The following CNTNAP5 variants were observed in gnomAD, a reference collection of about 807,000 sequenced individuals.
The protein encoded by CNTNAP5 is contactin-associated protein-like 5.
CNTNAP5 carries 72 observed loss-of-function variants against 150.2 expected under a neutral mutation model. The ratio of observed to expected loss-of-function variants is 0.48; its 90% CI spans 0.40 to 0.58. The LOEUF (loss-of-function observed/expected upper bound fraction) is 0.58. Ranked by LOEUF, CNTNAP5 falls within the 20% of genes least tolerant of loss-of-function variation. CNTNAP5 has a pLI of 0.00. For synonymous variants in CNTNAP5, 672 were observed against 619.8 expected, an observed-to-expected ratio of 1.08 and a Z score of -1.25; for missense variants, 1,636 against 1,626.2, an observed-to-expected ratio of 1.01 and a Z score of -0.10.
chr2:124,158,620 G>A (rs1486700962), intron 1 of CNTNAP5, among the ~76,000 whole-genome samples: 1 of 152,146 alleles, frequency 6.6e-6, no homozygotes, highest in Non-Finnish European at 1.5e-5. Flanking sequence ...TTTACTTTTT[G>A]TGCCAGACAG....
At chr2:124,150,321 C>T (rs950542624) in intron 1 of CNTNAP5, among the ~76,000 whole-genome samples, 1 of 152,154 alleles carries the variant, frequency 6.6e-6, no homozygotes. Flanking sequence ...CTCTGTTTAT[C>T]GATTTTGTGC....
chr2:124,213,748 G>T (rs562612425), intron 1 of CNTNAP5, among the ~76,000 whole-genome samples: 3 of 151,928 alleles, frequency 2.0e-5, no homozygotes, highest in East Asian at 3.9e-4. Context: ...TCTAACCTGA[G>T]AATCAAAACA....
intron 19 of CNTNAP5, among the ~76,000 whole-genome samples, chr2:124,854,229 A>C (rs1350858630): frequency 3.3e-5 from 5 of 152,104 alleles, no homozygotes; most frequent in Non-Finnish European, 7.4e-5. Context: ...TTATACGTCC[A>C]TTCCTCTATC....
At chr2:124,532,909 C>T (rs1695143330) in intron 10 of CNTNAP5, among the ~76,000 whole-genome samples, 1 of 152,242 alleles carries the variant, frequency 6.6e-6, no homozygotes, top group East Asian at 1.9e-4. Context: ...CAAAGGTTTG[C>T]CGGTTCTCTA....
intron 13 of CNTNAP5, among the ~76,000 whole-genome samples, chr2:124,690,535 T>G (rs1242701726): frequency 3.3e-5 from 5 of 152,112 alleles, no homozygotes; most frequent in African/African-American, 1.2e-4. Context: ...GCTTAAATTC[T>G]TACCTACCAG....
chr2:124,047,945 A>G (rs1681583772), intron 1 of CNTNAP5, among the ~76,000 whole-genome samples: 1 of 152,132 alleles, frequency 6.6e-6, no homozygotes, highest in African/African-American at 2.4e-5. Flanking sequence ...ACAAGCATGC[A>G]CATGTGCATA....
At position 124,387,594 on chromosome 2, in the gene CNTNAP5, C is replaced by T. The variant is rs567525107; in HGVS notation, c.382-29849C>T. Among the ~76,000 whole-genome samples, 621 of 152,108 alleles carry T rather than the reference C, an allele frequency of 4.1e-3. 2 individuals are homozygous for T. The highest frequency in any genetic ancestry group is 7.4e-3 in the Non-Finnish European group (505 of 68,008). On this transcript the variant is annotated intron_variant, in intron 3 of 23. Coordinates refer to ENST00000682447, the MANE Select transcript of CNTNAP5 (RefSeq NM_001367498.1). The stretch of plus-strand genomic sequence containing the variant: ...CAAGGGTGGGGAGAATTACAAAGAA[C>T]CTTCTTAAGGGTGGGGGAGATTACA...
At chr2:124,885,791 T>G (rs906011179) in intron 21 of CNTNAP5, among the ~76,000 whole-genome samples, 2 of 152,102 alleles carry the variant, frequency 1.3e-5, no homozygotes, top group Non-Finnish European at 1.5e-5. Flanking sequence ...CATGTAACAG[T>G]ACTACATTCC....
At chr2:124,800,095 C>T (rs561415718) in intron 19 of CNTNAP5, among the ~76,000 whole-genome samples, 12 of 152,260 alleles carry the variant, frequency 7.9e-5, no homozygotes, top group Admixed American at 3.9e-4. Flanking sequence ...AGTAGGTGGG[C>T]GTGCCAACGA....
At chr2:124,655,943 GAGAGAAAGAA>G (rs1189768554) in intron 13 of CNTNAP5, among the ~76,000 whole-genome samples, 7 of 100,982 alleles carry the variant, frequency 6.9e-5, no homozygotes, top group East Asian at 4.6e-4. Context: ...GAGAGAGAGA[GAGAGAAAGAA>G]AGAAAGAAAG....
At chr2:124,903,353 G>T (rs1678454170) in intron 22 of CNTNAP5, among the ~76,000 whole-genome samples, 1 of 152,050 alleles carries the variant, frequency 6.6e-6, no homozygotes, top group African/African-American at 2.4e-5. Context: ...CGTATATAAT[G>T]CATTGTGTAT....
At chr2:124,035,509 G>A (rs1316143655) in intron 1 of CNTNAP5, among the ~76,000 whole-genome samples, 4 of 151,784 alleles carry the variant, frequency 2.6e-5, no homozygotes, top group African/African-American at 9.7e-5. Context: ...TATGGCATAA[G>A]TTAATGCTTT....
intron 1 of CNTNAP5, among the ~76,000 whole-genome samples, chr2:124,164,396 A>G (rs988350128): frequency 3.9e-5 from 6 of 152,226 alleles, no homozygotes; most frequent in African/African-American, 4.8e-5. Context: ...TAGATAGATT[A>G]TAATATAATT....
In CNTNAP5 at chr2:124,472,337, T is replaced by G. The variant is rs558670127; in HGVS notation, c.919-2402T>G. On this transcript the variant is annotated intron_variant, in intron 6 of 23. Transcript: ENST00000682447. ...GTAAAAGAGCAGAAGGATATTCTCT[T>G]CATGTGGAGTCAGAACTAGTGTTAT... Among the ~76,000 whole-genome samples the G allele has an allele frequency of 2.0e-5, 3 of 152,082 alleles. No homozygotes were observed. In the South Asian group the frequency reaches 6.2e-4, roughly 32 times the overall value.
intron 19 of CNTNAP5, among the ~76,000 whole-genome samples, chr2:124,855,416 G>A (rs895405367): frequency 1.3e-5 from 2 of 151,864 alleles, no homozygotes; most frequent in African/African-American, 2.4e-5. Flanking sequence ...CAAGTGATCC[G>A]CCCACCTCAG....
chr2:124,202,567 T>C (rs1685754952), intron 1 of CNTNAP5, among the ~76,000 whole-genome samples: 1 of 152,154 alleles, frequency 6.6e-6, no homozygotes, highest in Non-Finnish European at 1.5e-5. Context: ...GTTTTTATAC[T>C]GCTATGAAGA....
intron 3 of CNTNAP5, among the ~76,000 whole-genome samples, chr2:124,413,943 T>C (rs2104773263): frequency 6.6e-6 from 1 of 151,930 alleles, no homozygotes; most frequent in East Asian, 1.9e-4. Flanking sequence ...AACCTGTGCT[T>C]TGGAACAGAC....
At chr2:124,198,229 A>T (rs1410511661) in intron 1 of CNTNAP5, among the ~76,000 whole-genome samples, 1 of 151,726 alleles carries the variant, frequency 6.6e-6, no homozygotes, top group East Asian at 1.9e-4. Context: ...ATATTTTTCT[A>T]CTGGGCCATC....
intron 10 of CNTNAP5, among the ~76,000 whole-genome samples, chr2:124,537,596 T>C (rs758416949): frequency 1.3e-5 from 2 of 152,136 alleles, no homozygotes; most frequent in Non-Finnish European, 2.9e-5. Flanking sequence ...GCTGACTTTG[T>C]AAAGGTGTTC....
Sources: gnomAD v4.1 joint callset for allele counts (sites outside exome capture counted in the v4.1 genomes callset) on GRCh38, gnomAD v4.1.1 for gene constraint, MANE v1.5 for transcripts, NCBI Gene and HGNC (gene_info 2026-07-23, HGNC 2026-07-21) for gene names.